YTHDC1: variants seen among roughly 807,000 people sequenced by gnomAD.
YTHDC1 encodes the protein YTH domain-containing protein 1.
Under a neutral mutation model 107.0 loss-of-function variants are expected in YTHDC1, and 12 were observed. That is an observed-to-expected ratio of 0.11 (90% CI 0.07 to 0.18). The LOEUF is 0.18. Ranked by LOEUF, YTHDC1 falls within the 10% of genes least tolerant of loss-of-function variation. YTHDC1 has a pLI of 1.00. For missense variants in YTHDC1, 635 were observed against 898.8 expected, an observed-to-expected ratio of 0.71 and a Z score of 3.75; for synonymous variants, 280 against 289.5, an observed-to-expected ratio of 0.97 and a Z score of 0.33.
Position 68,324,131 on chromosome 4 carries a change from C to G in YTHDC1, c.1434+8G>C. ...TGTTTTTTTAAAGAATCAATTAAGG[C>G]CACAAACCTGTCCATCACGTCCGAT... On this transcript the variant is annotated splice_region_variant and intron_variant, in intron 10 of 16. Coordinates refer to ENST00000344157, the MANE Select transcript of YTHDC1 (RefSeq NM_001031732.4). 1 of 1,610,452 alleles carries G rather than the reference C, an allele frequency of 6.2e-7. No individual in the cohort carries two copies. The highest frequency in any genetic ancestry group is 8.5e-7 in the Non-Finnish European group (1 of 1,177,906).
Position 68,349,844 on chromosome 4 carries a change from G to C in YTHDC1, c.-91C>G. The C allele has an allele frequency of 6.4e-7, 1 of 1,562,522 alleles. No homozygotes were observed. Among genetic ancestry groups the C allele is most frequent in the Non-Finnish European group, 8.8e-7 (1 of 1,139,798 alleles). ...GCAGCCGCGGCAGAAGCACGGGCCC[G>C]TCCGTCAGTCCGTCTGCCCGGATAC... On this transcript the variant is annotated 5_prime_UTR_variant, in exon 1 of 17. Transcript: ENST00000344157.
intron 11 of YTHDC1, among the ~76,000 whole-genome samples, chr4:68,321,046 C>T (rs759807532): frequency 8.6e-5 from 13 of 151,850 alleles, no homozygotes; most frequent in Non-Finnish European, 1.5e-4. Flanking sequence ...TTCCATAAAT[C>T]GGGTTAACTT....
In YTHDC1 at chr4:68,313,874, A is replaced by G. The variant is rs552366688; in HGVS notation, c.*225T>C. 81 of 588,780 alleles carry G rather than the reference A, an allele frequency of 1.4e-4. No homozygotes were observed. The highest frequency in any genetic ancestry group is 1.1e-3 in the African/African-American group (58 of 53,792). 36.5% of individuals were successfully genotyped at this position (588,780 alleles called of 1,614,324 possible). On this transcript the variant is annotated 3_prime_UTR_variant, in exon 17 of 17. Coordinates refer to ENST00000344157, the MANE Select transcript of YTHDC1 (RefSeq NM_001031732.4). ...TCTTGGACTGTTCCATTCTGCCCCA[A>G]TAAAAGTGTCAATTCAACTGTCAGC...
At chr4:68,319,236 T>C (rs1369280499) in intron 12 of YTHDC1, among the ~76,000 whole-genome samples, 1 of 152,170 alleles carries the variant, frequency 6.6e-6, no homozygotes, top group African/African-American at 2.4e-5. Context: ...CCACCTTGGG[T>C]ATATGTAGGT....
At chr4:68,321,294 C>T (rs996011031) in intron 11 of YTHDC1, among the ~76,000 whole-genome samples, 1 of 152,056 alleles carries the variant, frequency 6.6e-6, no homozygotes, top group Non-Finnish European at 1.5e-5. Flanking sequence ...TCCCAAGCCC[C>T]CCAACAGAAT....
chr4:68,330,702 G>T (rs1723480903), intron 7 of YTHDC1, among the ~76,000 whole-genome samples: 1 of 152,060 alleles, frequency 6.6e-6, no homozygotes, highest in South Asian at 2.1e-4. Context: ...AACCGTACCT[G>T]ATCAAATAAT....
chr4:68,350,057 T>C lies in YTHDC1; in HGVS notation c.-304A>G, dbSNP rs1309741739. Reference sequence around the variant, plus strand: ...CGGCGGGCGGCGCTAAAATGGAGCCTGCTTCCTGCGCGAAACAATCCCGCT... The same window carrying C: ...CGGCGGGCGGCGCTAAAATGGAGCCCGCTTCCTGCGCGAAACAATCCCGCT... On this transcript the variant is annotated 5_prime_UTR_variant, in exon 1 of 17. Coordinates refer to ENST00000344157, the MANE Select transcript of YTHDC1 (RefSeq NM_001031732.4). The C allele has an allele frequency of 7.7e-6, 4 of 521,952 alleles. No individual in the cohort carries two copies. The highest frequency in any genetic ancestry group is 2.3e-5 in the South Asian group (1 of 43,036). The allele number at this position is 521,952 out of a possible 1,614,324, so 32.3% of individuals were successfully genotyped here.
intron 1 of YTHDC1, among the ~76,000 whole-genome samples, chr4:68,341,975 A>G (rs1164511827): frequency 3.3e-5 from 5 of 152,186 alleles, no homozygotes; most frequent in Non-Finnish European, 7.3e-5. Flanking sequence ...ACTTTAATAA[A>G]ACCTGCCTGC....
intron 1 of YTHDC1, among the ~76,000 whole-genome samples, chr4:68,344,357 C>T (rs532259713): frequency 6.6e-6 from 1 of 150,948 alleles, no homozygotes; most frequent in Non-Finnish European, 1.5e-5. Context: ...GTTTAATACA[C>T]TAAGGCACAG....
rs563243264 is a variant in YTHDC1 at position 68,313,835 on chromosome 4, A to T, written c.*264T>A. On this transcript the variant is annotated 3_prime_UTR_variant, in exon 17 of 17. Coordinates refer to ENST00000344157, the MANE Select transcript of YTHDC1 (RefSeq NM_001031732.4). The stretch of plus-strand genomic sequence containing the variant: ...CTATAAGAACATTTATGGAGAAAGA[A>T]TCAGTATCTACATTCTTGGACTGTT... The T allele has an allele frequency of 2.1e-6, 1 of 475,902 alleles. No homozygotes were observed. Among genetic ancestry groups the T allele is most frequent in the Non-Finnish European group, 3.7e-6 (1 of 269,628 alleles). 29.5% of individuals were successfully genotyped at this position (475,902 alleles called of 1,614,324 possible). A position where few individuals can be genotyped will look rare whatever the true frequency, so the allele number is the denominator to read the frequency against.
intron 9 of YTHDC1, among the ~76,000 whole-genome samples, chr4:68,325,891 C>T (rs1722938916): frequency 1.3e-5 from 2 of 152,186 alleles, no homozygotes; most frequent in South Asian, 4.1e-4. Flanking sequence ...CTAATATACA[C>T]CTTACTTCAC....
At chr4:68,328,038 G>A (rs1001117148) in intron 9 of YTHDC1, among the ~76,000 whole-genome samples, 1 of 152,098 alleles carries the variant, frequency 6.6e-6, no homozygotes, top group African/African-American at 2.4e-5. Flanking sequence ...TACCTCTTCG[G>A]TTGCTTGATA....
intron 4 of YTHDC1, 125 bp from the exon 5 acceptor site, chr4:68,333,522 C>T (rs1464757557): frequency 6.9e-6 from 4 of 583,294 alleles, no homozygotes; most frequent in Non-Finnish European, 6.0e-6. Context: ...GCTCCTCTCT[C>T]CTGATCCCTC....
intron 12 of YTHDC1, among the ~76,000 whole-genome samples, chr4:68,319,064 T>C (rs547277107): frequency 1.3e-5 from 2 of 152,328 alleles, no homozygotes; most frequent in East Asian, 3.9e-4. Context: ...ATCATAGAAT[T>C]GTAAACTGCT....
At chr4:68,336,993 T>C in intron 4 of YTHDC1, 34 bp downstream of exon 4, 2 of 1,536,692 alleles carry the variant, frequency 1.3e-6, no homozygotes, top group Non-Finnish European at 1.7e-6. Flanking sequence ...TCAAGCTTTT[T>C]TTAAGACAAA....
chr4:68,330,367 CCAGTT>C, intron 7 of YTHDC1, 57 bp from the exon 8 acceptor site: 1 of 1,211,328 alleles, frequency 8.3e-7, no homozygotes, highest in Admixed American at 2.7e-5. Context: ...TTTTGTGTTT[CCAGTT>C]ATGTTTGAAA....
rs1349195477 is a variant in YTHDC1, at chr4:68,312,226, C to T, written c.*1873G>A. 6.6e-6 allele frequency: 1 copy of T among 152,182 alleles called. No individual in the cohort carries two copies. Among genetic ancestry groups the T allele is most frequent in the African/African-American group, 2.4e-5 (1 of 41,436 alleles). The allele number at this position is 152,182 out of a possible 1,614,324, so 9.4% of individuals were successfully genotyped here. A position where few individuals can be genotyped will look rare whatever the true frequency, so the allele number is the denominator to read the frequency against. ...GCCCATCAATTACTACCTTTCTAAT[C>T]TTGGGCAAGTTTACTAGCCTCTCTG... On this transcript the variant is annotated 3_prime_UTR_variant, in exon 17 of 17. Transcript: ENST00000344157.
At chr4:68,321,648 A>G (rs1456014236) in intron 11 of YTHDC1, among the ~76,000 whole-genome samples, 15 of 152,166 alleles carry the variant, frequency 9.9e-5, no homozygotes, top group Admixed American at 9.2e-4. Context: ...TTTAGGCCAA[A>G]AATAAGGGGC....
chr4:68,332,997 G>A (rs960830049), intron 5 of YTHDC1, 150 bp from the exon 6 acceptor site: 7 of 673,364 alleles, frequency 1.0e-5, no homozygotes, highest in East Asian at 2.8e-5. Flanking sequence ...CAATGTGTAC[G>A]AGTGTTTTGC....
Sources: gnomAD v4.1 joint callset for allele counts (sites outside exome capture counted in the v4.1 genomes callset) on GRCh38, gnomAD v4.1.1 for gene constraint, MANE v1.5 for transcripts, NCBI Gene and HGNC (gene_info 2026-07-23, HGNC 2026-07-21) for gene names.